The following MTFR1 variants were observed in gnomAD, a reference collection of about 807,000 sequenced individuals.
The protein encoded by MTFR1 is chondrocyte protein with a poly-proline region.
A neutral mutation model predicts 38.8 loss-of-function variants in MTFR1; 28 were observed. That is an observed-to-expected ratio of 0.72 (90% CI 0.53 to 0.99). The LOEUF (loss-of-function observed/expected upper bound fraction) is 0.99. MTFR1 is among the 50% of genes least tolerant of loss of function. The pLI, the probability that MTFR1 is intolerant of heterozygous loss-of-function variation, is 0.00. For missense variants in MTFR1, 358 were observed against 395.5 expected, an observed-to-expected ratio of 0.91 and a Z score of 0.81; for synonymous variants, 145 against 137.0, an observed-to-expected ratio of 1.06 and a Z score of -0.41.
intron 3 of MTFR1, among the ~76,000 whole-genome samples, chr8:65,764,441 G>A (rs1197108915): frequency 2.0e-5 from 3 of 152,140 alleles, no homozygotes; most frequent in African/African-American, 7.2e-5. Context: ...AACAGATAAT[G>A]GTTGGAAAAA....
Position 65,682,959 on chromosome 8 carries a change from C to T in MTFR1, c.165+508C>T, listed in dbSNP as rs1804947427. The T allele has an allele frequency of 6.1e-6, 6 of 977,610 alleles. No individual in the cohort carries two copies. The South Asian group carries it at 1.4e-4, about 23-fold the overall frequency. 60.6% of individuals were successfully genotyped at this position (977,610 alleles called of 1,614,324 possible). ...AAGACAAAAAGGTAATTGTGGTTTTCGCAGTGAGGTGATAGTCAAACCGTG... is the reference window on the plus strand; with the variant it reads ...AAGACAAAAAGGTAATTGTGGTTTTTGCAGTGAGGTGATAGTCAAACCGTG... On this transcript the variant is annotated intron_variant, in intron 3 of 7. Coordinates refer to ENST00000262146, the MANE Select transcript of MTFR1 (RefSeq NM_014637.4).
chr8:65,777,954 G>C, the MTFR1 span, among the ~76,000 whole-genome samples: 1 of 152,098 alleles, frequency 6.6e-6, no homozygotes, highest in Non-Finnish European at 1.5e-5. Context: ...CCAACTTCTA[G>C]AGATTTCTCA....
chr8:65,654,926 A>G (rs1809215483), intron 1 of MTFR1, among the ~76,000 whole-genome samples: 1 of 152,100 alleles, frequency 6.6e-6, no homozygotes, highest in African/African-American at 2.4e-5. Flanking sequence ...CTATTACACA[A>G]CTTATCAACA....
At chr8:65,675,658 G>A (rs888632410) in intron 2 of MTFR1, among the ~76,000 whole-genome samples, 7 of 152,116 alleles carry the variant, frequency 4.6e-5, no homozygotes, top group Admixed American at 1.3e-4. Flanking sequence ...AATGCTCATA[G>A]GCTCATGAAG....
intron 4 of MTFR1, among the ~76,000 whole-genome samples, chr8:65,698,831 C>T (rs1426999980): frequency 1.3e-5 from 2 of 151,860 alleles, no homozygotes; most frequent in East Asian, 1.9e-4. Flanking sequence ...TGGGTTCAAG[C>T]GATTTTCATG....
chr8:65,708,918 C>A (rs77153743), intron 7 of MTFR1, 58 bp from the exon 8 acceptor site: 23 of 1,513,204 alleles, frequency 1.5e-5, no homozygotes, highest in Non-Finnish European at 2.0e-5. Flanking sequence ...GAGGTGGGGG[C>A]GTATCGTTAC....
chr8:65,712,904 A>C (rs1487567786), downstream of MTFR1, among the ~76,000 whole-genome samples: 1 of 152,248 alleles, frequency 6.6e-6, no homozygotes, highest in African/African-American at 2.4e-5. Flanking sequence ...CAACTAAGTT[A>C]AGGGAACTTG....
At chr8:65,760,219 A>AAC (rs141172134) in intron 3 of MTFR1, among the ~76,000 whole-genome samples, 6,114 of 152,296 alleles carry the variant, frequency 0.04, 173 homozygotes, top group Non-Finnish European at 0.06. Context: ...CAGCCTGGGC[A>AAC]AGAGTGAGAC....
Position 65,756,772 on chromosome 8 carries a change from CT to C in MTFR1, c.*49-14166del. 2.0e-5 allele frequency among the ~76,000 whole-genome samples: 3 copies of C among 151,110 alleles called. 1 individual carries two copies. The highest frequency in any genetic ancestry group is 7.3e-5 in the African/African-American group (3 of 41,182). ...CCTCCGGGGTGGTTTATATCAAATTCTTTTTTTTTCCTGTGGGCTATATTTT... is the reference window on the plus strand; with the variant it reads ...CCTCCGGGGTGGTTTATATCAAATTCTTTTTTTTCCTGTGGGCTATATTTT... On this transcript the variant is annotated intron_variant, in intron 3 of 3. Transcript: ENST00000521247.
rs750474218 is a variant in MTFR1, at chr8:65,675,293, A to AAAAAC, written c.66+5290_66+5294dup. On this transcript the variant is annotated intron_variant, in intron 2 of 7. Coordinates refer to ENST00000262146, the MANE Select transcript of MTFR1 (RefSeq NM_014637.4). The stretch of plus-strand genomic sequence containing the variant: ...GGGCGACAGAGCAAGACTCCGTCTC[A>AAAAAC]AAAACAAAACAAAACAAAAAGGCCG... 5.9e-5 allele frequency among the ~76,000 whole-genome samples: 9 copies of AAAAAC among 151,884 alleles called. No individual in the cohort carries two copies. In the East Asian group the frequency reaches 1.4e-3, roughly 23 times the overall value.
At position 65,707,059 on chromosome 8, in the gene MTFR1, TC is replaced by T; in HGVS notation, c.572del (p.Pro191HisfsTer20). ...GTACCATACCACCACACCCTCCACC[TC>T]CCCCACCGCCCCTGCCTCCCCCTGC... ...FGTIPPHPPP[P>X]PPPLPPPALG... On this transcript the variant is annotated frameshift_variant, in exon 6 of 8. Coordinates refer to ENST00000262146, the MANE Select transcript of MTFR1 (RefSeq NM_014637.4). LOFTEE classifies it high-confidence loss of function. 1 of 932,144 alleles carries T rather than the reference TC, an allele frequency of 1.1e-6. No individual in the cohort carries two copies. The highest frequency in any genetic ancestry group is 1.7e-6 in the Non-Finnish European group (1 of 589,914). The allele number at this position is 932,144 out of a possible 1,614,324, so 57.7% of individuals were successfully genotyped here.
At chr8:65,726,292 C>T (rs765249733) in intron 3 of MTFR1, among the ~76,000 whole-genome samples, 2 of 152,092 alleles carry the variant, frequency 1.3e-5, no homozygotes, top group Non-Finnish European at 2.9e-5. Flanking sequence ...GCCTTATTCA[C>T]ATTAATGTTT....
At chr8:65,758,727 T>C (rs1808351688) in intron 3 of MTFR1, among the ~76,000 whole-genome samples, 1 of 152,216 alleles carries the variant, frequency 6.6e-6, no homozygotes, top group Admixed American at 6.5e-5. Context: ...GTATGTTCCT[T>C]TGTCTGACAA....
chr8:65,770,987 C>A, exon 4 of MTFR1: 1 of 332,566 alleles, frequency 3.0e-6, no homozygotes, highest in Non-Finnish European at 6.0e-6. Context: ...ACAAGAAGGC[C>A]TATGGCAAAT....
intron 1 of MTFR1, among the ~76,000 whole-genome samples, chr8:65,650,432 A>G (rs969959728): frequency 1.3e-5 from 2 of 152,060 alleles, no homozygotes; most frequent in African/African-American, 2.4e-5. Flanking sequence ...TTGGCCTCCC[A>G]AAGTGCTGGG....
At chr8:65,745,081 T>G (rs542352877) in intron 3 of MTFR1, among the ~76,000 whole-genome samples, 18 of 152,212 alleles carry the variant, frequency 1.2e-4, no homozygotes, top group Admixed American at 2.0e-4. Flanking sequence ...TCTAACGAGA[T>G]CTGATGATTT....
At chr8:65,645,139 C>T (rs1383239194) in intron 1 of MTFR1, among the ~76,000 whole-genome samples, 1 of 152,214 alleles carries the variant, frequency 6.6e-6, no homozygotes, top group Non-Finnish European at 1.5e-5. Flanking sequence ...CCGCGCCGGC[C>T]GCCAGGCGGC....
intron 3 of MTFR1, chr8:65,683,056 C>A (rs1804951153): frequency 9.0e-6 from 3 of 332,712 alleles, no homozygotes; most frequent in African/African-American, 4.5e-5. Flanking sequence ...TCTTTTAGCA[C>A]CAAATCTGGA....
intron 3 of MTFR1, among the ~76,000 whole-genome samples, chr8:65,769,957 ATTT>A (rs112014676): frequency 0.024 from 3,603 of 152,290 alleles, 66 homozygotes; most frequent in African/African-American, 0.055. Flanking sequence ...TAAACCCGTG[ATTT>A]TTAATTAGGT....
Sources: gnomAD v4.1 joint callset for allele counts (sites outside exome capture counted in the v4.1 genomes callset) on GRCh38, gnomAD v4.1.1 for gene constraint, MANE v1.5 for transcripts, NCBI Gene and HGNC (gene_info 2026-07-23, HGNC 2026-07-21) for gene names.